FMO5: variants seen among roughly 807,000 people sequenced by gnomAD.
The protein encoded by FMO5 is flavin-containing monooxygenase 5.
In FMO5, 51 loss-of-function variants were observed where a neutral mutation model predicts 43.6. The observed-to-expected ratio is 1.17, with a 90% CI of 0.93 to 1.48. The LOEUF (loss-of-function observed/expected upper bound fraction) is 1.48. Ranked by LOEUF, FMO5 falls within the 40% of genes most tolerant of loss-of-function variation. The pLI is 0.00. For missense variants in FMO5, 644 were observed against 643.0 expected (o/e 1.00, Z -0.02); for synonymous variants, 187 against 216.5 (o/e 0.86, Z 1.20).
rs782629093 is a variant in FMO5, at chr1:147,224,890, T to G, written c.135+5A>C. On this transcript the variant is annotated splice_donor_5th_base_variant and intron_variant, in intron 2 of 8. Transcript: ENST00000254090. Reference sequence around the variant, plus strand: ...AAGTATTAAGGGACTAGGAGATGTATGTACCTGGAACCTCCAGAGCCCTCC... The same window carrying G: ...AAGTATTAAGGGACTAGGAGATGTAGGTACCTGGAACCTCCAGAGCCCTCC... 7.3e-5 allele frequency: 117 copies of G among 1,613,734 alleles called. No individual in the cohort carries two copies. Among genetic ancestry groups the G allele is most frequent in the Middle Eastern group, 4.9e-4 (3 of 6,084 alleles).
rs1655629100 is a variant in FMO5 at position 147,186,413 on chromosome 1, A to G, written c.*487T>C. 1.1e-6 allele frequency: 1 copy of G among 906,640 alleles called. No individual in the cohort carries two copies. Among genetic ancestry groups the G allele is most frequent in the Admixed American group, 6.1e-5 (1 of 16,410 alleles). The allele number at this position is 906,640 out of a possible 1,614,324, so 56.2% of individuals were successfully genotyped here. On this transcript the variant is annotated 3_prime_UTR_variant, in exon 9 of 9. Transcript: ENST00000254090. ...TATCTTAGATACATACAACTATTGT[A>G]GGAACATTATTTCTCTTATCTCTCA...
intron 3 of FMO5, 113 bp from the exon 4 acceptor site, chr1:147,213,583 G>T: frequency 1.2e-6 from 1 of 867,896 alleles, no homozygotes; most frequent in Non-Finnish European, 1.6e-6. Context: ...CCCATGCAGG[G>T]ATATTTGATT....
Position 147,225,296 on chromosome 1 carries a change from T to A in FMO5, c.-47A>T, listed in dbSNP as rs913518941. 4.1e-5 allele frequency: 30 copies of A among 725,242 alleles called. No individual in the cohort carries two copies. The highest frequency in any genetic ancestry group is 6.1e-5 in the Non-Finnish European group (30 of 494,794). 44.9% of individuals were successfully genotyped at this position (725,242 alleles called of 1,614,324 possible). A position where few individuals can be genotyped will look rare whatever the true frequency, so the allele number is the denominator to read the frequency against. ...CGGTACCGGATCTCACCGCCTTTCCTGAAGCGCTCAACAGATCCTTCAGCT... is the reference window on the plus strand; with the variant it reads ...CGGTACCGGATCTCACCGCCTTTCCAGAAGCGCTCAACAGATCCTTCAGCT... On this transcript the variant is annotated 5_prime_UTR_variant, in exon 1 of 9. Transcript: ENST00000254090.
chr1:147,221,942 G>A (rs1242924637), intron 2 of FMO5, among the ~76,000 whole-genome samples: 17 of 152,214 alleles, frequency 1.1e-4, no homozygotes, highest in Admixed American at 5.9e-4. Context: ...GTGAGTAGAA[G>A]AAAAAGAAGC....
At chr1:147,217,165 G>A (rs28381176) in intron 2 of FMO5, among the ~76,000 whole-genome samples, 5,550 of 151,956 alleles carry the variant, frequency 0.037, 145 homozygotes, top group South Asian at 0.095. Flanking sequence ...GCTTGAACCC[G>A]GGAGGCGGAG....
intron 3 of FMO5, among the ~76,000 whole-genome samples, chr1:147,213,682 G>A (rs1661458692): frequency 6.6e-6 from 1 of 152,188 alleles, no homozygotes. Flanking sequence ...AGTGTTGGCA[G>A]GCTAATGTAC....
intron 8 of FMO5, 68 bp downstream of exon 8, chr1:147,190,109 T>A (rs1369896527): frequency 9.2e-7 from 1 of 1,083,454 alleles, no homozygotes; most frequent in East Asian, 2.4e-5. Context: ...TTAAATACAG[T>A]ACAATATTTC....
At chr1:147,226,610 G>C (rs1444361270), upstream of FMO5, among the ~76,000 whole-genome samples, 1 of 152,154 alleles carries the variant, frequency 6.6e-6, no homozygotes, top group Non-Finnish European at 1.5e-5. Flanking sequence ...GGTTCTATTT[G>C]ACAGATGTGA....
intron 7 of FMO5, among the ~76,000 whole-genome samples, chr1:147,191,696 A>G (rs1656862706): frequency 6.6e-6 from 1 of 151,506 alleles, no homozygotes; most frequent in Non-Finnish European, 1.5e-5. Flanking sequence ...TATAAGGTGT[A>G]AGGAAGGGAT....
chr1:147,217,072 C>T (rs1285923104), intron 2 of FMO5, among the ~76,000 whole-genome samples: 1 of 151,040 alleles, frequency 6.6e-6, no homozygotes, highest in African/African-American at 2.4e-5. Context: ...GAAACCCTGT[C>T]TCTACTAAAA....
At chr1:147,191,900 T>A (rs1322605327) in intron 7 of FMO5, among the ~76,000 whole-genome samples, 21 of 152,072 alleles carry the variant, frequency 1.4e-4, no homozygotes, top group Non-Finnish European at 2.5e-4. Flanking sequence ...ACCATGCTGT[T>A]TTGGTTACTG....
chr1:147,189,513 G>A (rs1553917959), intron 8 of FMO5, among the ~76,000 whole-genome samples: 1 of 152,052 alleles, frequency 6.6e-6, no homozygotes, highest in Non-Finnish European at 1.5e-5. Context: ...ACCTCTTTAG[G>A]CCTGGAATGA....
chr1:147,189,401 T>C (rs946651785), intron 8 of FMO5, among the ~76,000 whole-genome samples: 1 of 151,832 alleles, frequency 6.6e-6, no homozygotes, highest in African/African-American at 2.4e-5. Context: ...AGGAGGAAAA[T>C]AGGAGAGCAC....
At chr1:147,205,156 T>C (rs1233238179) in intron 6 of FMO5, among the ~76,000 whole-genome samples, 1 of 152,254 alleles carries the variant, frequency 6.6e-6, no homozygotes, top group African/African-American at 2.4e-5. Flanking sequence ...TCTATTTGTT[T>C]GGCTATCTCC....
intron 7 of FMO5, among the ~76,000 whole-genome samples, chr1:147,191,870 A>G (rs1265635756): frequency 6.6e-6 from 1 of 152,088 alleles, no homozygotes; most frequent in Non-Finnish European, 1.5e-5. Flanking sequence ...ATTGATCTAT[A>G]TCTCCCTTTT....
chr1:147,218,591 A>G (rs1571399723), intron 2 of FMO5, among the ~76,000 whole-genome samples: 1 of 152,204 alleles, frequency 6.6e-6, no homozygotes, highest in South Asian at 2.1e-4. Flanking sequence ...ATAAATACAA[A>G]GTAGATCCTG....
intron 2 of FMO5, among the ~76,000 whole-genome samples, chr1:147,218,667 T>C (rs1662451092): frequency 6.6e-6 from 1 of 152,232 alleles, no homozygotes; most frequent in African/African-American, 2.4e-5. Context: ...TTTTGAAATT[T>C]AGCACATTTC....
chr1:147,218,482 C>T (rs970376651), intron 2 of FMO5, among the ~76,000 whole-genome samples: 13 of 151,996 alleles, frequency 8.6e-5, no homozygotes, highest in African/African-American at 2.4e-5. Context: ...GTGATCCGCC[C>T]GCCTCAGCCT....
chr1:147,204,284 CTGAAGAGGAAG>C, intron 6 of FMO5: 1 of 991,484 alleles, frequency 1.0e-6, no homozygotes, highest in Middle Eastern at 2.0e-4. Context: ...CCATGCAATA[CTGAAGAGGAAG>C]TGATACCACA....
Sources: allele counts gnomAD v4.1 joint callset (sites outside exome capture counted in the v4.1 genomes callset), GRCh38; gene constraint gnomAD v4.1.1; transcripts MANE v1.5; gene names NCBI Gene and HGNC (gene_info 2026-07-23, HGNC 2026-07-21).